Variants in PLPPR4 observed in about 807,000 individuals in gnomAD.
PLPPR4 encodes the protein phospholipid phosphatase related 4.
PLPPR4 carries 24 observed loss-of-function variants against 56.6 expected under a neutral mutation model. That is an observed-to-expected ratio of 0.42 (90% confidence interval 0.31 to 0.60). The LOEUF (loss-of-function observed/expected upper bound fraction) is 0.60, where lower values mean the gene tolerates loss of function less well. Ranked by LOEUF, PLPPR4 falls within the 20% of genes least tolerant of loss-of-function variation. The pLI, the probability that PLPPR4 is intolerant of heterozygous loss-of-function variation, is 0.13. For synonymous variants in PLPPR4, 326 were observed against 328.1 expected (o/e 0.99, Z 0.07); for missense variants, 654 against 885.8 (o/e 0.74, Z 3.32).
intron 1 of PLPPR4, among the ~76,000 whole-genome samples, chr1:99,283,253 A>G (rs1305250700): frequency 2.0e-5 from 3 of 152,128 alleles, no homozygotes; most frequent in Admixed American, 2.0e-4. Context: ...CACAATGGCT[A>G]TGAGAGAGGC....
intron 1 of PLPPR4, among the ~76,000 whole-genome samples, chr1:99,267,963 CATT>C (rs1658947532): frequency 1.3e-5 from 2 of 152,086 alleles, no homozygotes; most frequent in African/African-American, 4.8e-5. Context: ...AGAAAGAGGC[CATT>C]ATTATCTGTG....
intron 2 of PLPPR4, among the ~76,000 whole-genome samples, chr1:99,295,061 T>C (rs1448930962): frequency 6.6e-6 from 1 of 152,238 alleles, no homozygotes; most frequent in African/African-American, 2.4e-5. Flanking sequence ...AATTTCTATG[T>C]CTAACTTGAA....
chr1:99,302,021 C>G, intron 6 of PLPPR4, 124 bp downstream of exon 6: 1 of 583,328 alleles, frequency 1.7e-6, no homozygotes, highest in Non-Finnish European at 2.7e-6. Flanking sequence ...CTGGCCGCAT[C>G]TCCATTCTAT....
upstream of PLPPR4, among the ~76,000 whole-genome samples, chr1:99,263,555 T>A (rs559147433): frequency 3.9e-5 from 6 of 152,204 alleles, no homozygotes; most frequent in South Asian, 8.3e-4. Context: ...CAAAATTAGG[T>A]CATCTTTATT....
intron 4 of PLPPR4, among the ~76,000 whole-genome samples, chr1:99,300,105 C>T (rs969018578): frequency 2.0e-5 from 3 of 151,904 alleles, no homozygotes; most frequent in South Asian, 2.1e-4. Context: ...CAGTCAAGAC[C>T]TATGTCCTCT....
chr1:99,281,531 G>A (rs1282530094), intron 1 of PLPPR4, among the ~76,000 whole-genome samples: 1 of 152,054 alleles, frequency 6.6e-6, no homozygotes, highest in African/African-American at 2.4e-5. Context: ...ATACCATAAA[G>A]CCTAATATTA....
Position 99,309,354 on chromosome 1 carries a change from A to G in PLPPR4, c.*2344A>G, listed in dbSNP as rs2100816783. ...TTGTTAGGCTGTGCTTTACTGATAA[A>G]ACCAAGTATTGAATAAAGAGAGTTA... On this transcript the variant is annotated 3_prime_UTR_variant, in exon 7 of 7. Coordinates refer to ENST00000370185, the MANE Select transcript of PLPPR4 (RefSeq NM_014839.5). 1 of 152,498 alleles carries G rather than the reference A, an allele frequency of 6.6e-6. No homozygotes were observed. The highest frequency in any genetic ancestry group is 2.1e-4 in the South Asian group (1 of 4,824). The allele number at this position is 152,498 out of a possible 1,614,324, so 9.4% of individuals were successfully genotyped here.
chr1:99,269,511 C>T (rs1401886189), intron 1 of PLPPR4, among the ~76,000 whole-genome samples: 5 of 152,208 alleles, frequency 3.3e-5, no homozygotes, highest in Non-Finnish European at 5.9e-5. Context: ...ACAGTGGTCC[C>T]TCTGGGGCTC....
upstream of PLPPR4, chr1:99,264,314 G>A: frequency 1.4e-6 from 1 of 708,218 alleles, no homozygotes; most frequent in East Asian, 2.9e-5. Flanking sequence ...GCAACAGCTT[G>A]GAGGAGGGAG....
intron 4 of PLPPR4, among the ~76,000 whole-genome samples, chr1:99,299,582 T>C (rs1053513872): frequency 3.9e-5 from 6 of 152,090 alleles, no homozygotes; most frequent in African/African-American, 1.2e-4. Context: ...ATAACTCTTG[T>C]ACTGGTTTAA....
rs577015899 is a variant in PLPPR4, at chr1:99,264,520, A to G, written c.-74A>G. On this transcript the variant is annotated 5_prime_UTR_variant, in exon 1 of 7. Coordinates refer to ENST00000370185, the MANE Select transcript of PLPPR4 (RefSeq NM_014839.5). ...AGCGGCGCCGGGCGCTTGGGGCTGG[A>G]GGAGGCAGCTCGCCTCAGCTGCGCT... 3.0e-5 allele frequency: 46 copies of G among 1,550,470 alleles called. No individual in the cohort carries two copies. In the Admixed American group the frequency reaches 4.7e-4, roughly 16 times the overall value.
intron 1 of PLPPR4, among the ~76,000 whole-genome samples, chr1:99,279,435 A>G (rs544759079): frequency 1.3e-5 from 2 of 152,334 alleles, no homozygotes; most frequent in East Asian, 1.9e-4. Flanking sequence ...TGCTCTTAAG[A>G]TATTCCCAAA....
intron 1 of PLPPR4, among the ~76,000 whole-genome samples, chr1:99,273,223 G>T (rs777361338): frequency 6.6e-6 from 1 of 152,176 alleles, no homozygotes; most frequent in Admixed American, 6.5e-5. Context: ...TGGCTGTCAA[G>T]CAACATAGAG....
chr1:99,263,888 T>C (rs1658823166), upstream of PLPPR4: 1 of 152,286 alleles, frequency 6.6e-6, no homozygotes, highest in South Asian at 2.1e-4. Context: ...CCGGTAGTGT[T>C]TGTTAGTGGG....
intron 4 of PLPPR4, 56 bp downstream of exon 4, chr1:99,299,286 C>A (rs1659822914): frequency 7.7e-7 from 1 of 1,301,556 alleles, no homozygotes; most frequent in Non-Finnish European, 1.1e-6. Context: ...TCAATTGCTG[C>A]TTGGAGTATC....
chr1:99,299,499 C>T (rs964083550), intron 4 of PLPPR4, among the ~76,000 whole-genome samples: 2 of 151,982 alleles, frequency 1.3e-5, no homozygotes, highest in African/African-American at 4.8e-5. Context: ...CAATCCTATA[C>T]TCATTATGGT....
In PLPPR4 at chr1:99,299,209, T is replaced by C; in HGVS notation, c.569T>C (p.Leu190Pro). The change falls in exon 4 of 7, where the codon CTC becomes CCC. Residue 190 changes from leucine to proline, a missense_variant. Around this residue, in one of 2 missense-constraint regions of PLPPR4, gnomAD observed 186 missense variants for 331.4 expected, o/e 0.56. Transcript: ENST00000370185. ...GAAGATATTTGCTCAGGATCTGACC[T>C]CACAGTTATCAACAGTGGCAGGTTA... ...IVEDICSGSD[L>P]TVINSGRKSF... 1 of 1,612,986 alleles carries C rather than the reference T, an allele frequency of 6.2e-7. No homozygotes were observed. Among genetic ancestry groups the C allele is most frequent in the Non-Finnish European group, 8.5e-7 (1 of 1,179,342 alleles).
intron 6 of PLPPR4, among the ~76,000 whole-genome samples, chr1:99,302,357 G>C (rs1015891333): frequency 4.0e-5 from 6 of 151,866 alleles, no homozygotes; most frequent in East Asian, 3.9e-4. Flanking sequence ...CCCCCTCTAA[G>C]GGAAATATCC....
intron 1 of PLPPR4, among the ~76,000 whole-genome samples, chr1:99,279,365 C>CATTGTCATTTA (rs1659267918): frequency 6.6e-6 from 1 of 152,124 alleles, no homozygotes; most frequent in Non-Finnish European, 1.5e-5. Context: ...TATTAGAAAT[C>CATTGTCATTTA]ATTCACTAGG....
Sources: allele counts gnomAD v4.1 joint callset (sites outside exome capture counted in the v4.1 genomes callset), GRCh38; gene constraint gnomAD v4.1.1; regional missense constraint gnomAD v4.1.1; transcripts MANE v1.5; gene names NCBI Gene and HGNC (gene_info 2026-07-23, HGNC 2026-07-21).